The following RABGAP1L variants were observed in gnomAD, a reference collection of about 807,000 sequenced individuals.
The protein encoded by RABGAP1L is RAB GTPase activating protein 1 like, also known as rab GTPase-activating protein 1-like.
In RABGAP1L, 63 loss-of-function variants were observed where a neutral mutation model predicts 137.7. The observed-to-expected ratio is 0.46, with a 90% CI of 0.37 to 0.56. The LOEUF (loss-of-function observed/expected upper bound fraction) is 0.56, where lower values mean the gene tolerates loss of function less well. Among genes scored for constraint, RABGAP1L ranks in the 20% least tolerant of loss-of-function variants. RABGAP1L has a pLI of 0.00. For synonymous variants in RABGAP1L, 431 were observed against 433.7 expected (o/e 0.99, Z 0.08); for missense variants, 1,095 against 1,244.0 (o/e 0.88, Z 1.80).
At chr1:174,841,024 G>A (rs1437109041) in intron 19 of RABGAP1L, among the ~76,000 whole-genome samples, 2 of 151,970 alleles carry the variant, frequency 1.3e-5, no homozygotes, top group Non-Finnish European at 2.9e-5. Context: ...CATCCATAAA[G>A]CAGAAACTAC....
At chr1:174,520,419 A>G (rs1170081844) in intron 13 of RABGAP1L, among the ~76,000 whole-genome samples, 2 of 152,252 alleles carry the variant, frequency 1.3e-5, no homozygotes, top group Non-Finnish European at 2.9e-5. Flanking sequence ...GTGAATTTTA[A>G]TTATTAAGAT....
chr1:174,645,631 TG>T (rs1408958816), intron 14 of RABGAP1L, among the ~76,000 whole-genome samples: 1 of 152,188 alleles, frequency 6.6e-6, no homozygotes, highest in Non-Finnish European at 1.5e-5. Flanking sequence ...GATGGGCATT[TG>T]GGTTGGTCCA....
chr1:174,195,708 CTTTCTTTTCTTTCTTTTCTTTCT>C (rs1346778244), intron 1 of RABGAP1L, among the ~76,000 whole-genome samples: 6 of 103,924 alleles, frequency 5.8e-5, no homozygotes, highest in African/African-American at 3.0e-4. Context: ...TTCTTTCCTT[CTTTCTTTTCTTTCTTTTCTTTCT>C]TTTCTTTCTT....
intron 13 of RABGAP1L, among the ~76,000 whole-genome samples, chr1:174,600,652 C>T (rs951653626): frequency 6.6e-6 from 1 of 152,210 alleles, no homozygotes. Context: ...TTTGACTCCA[C>T]GTCTCTTATC....
At chr1:174,714,855 A>G (rs913365015) in intron 17 of RABGAP1L, among the ~76,000 whole-genome samples, 2 of 152,044 alleles carry the variant, frequency 1.3e-5, no homozygotes, top group African/African-American at 4.8e-5. Context: ...AAGTATTTCT[A>G]GTGTGTGTGT....
At chr1:174,255,171 T>TA (rs1673018738) in intron 7 of RABGAP1L, among the ~76,000 whole-genome samples, 1 of 152,180 alleles carries the variant, frequency 6.6e-6, no homozygotes, top group South Asian at 2.1e-4. Flanking sequence ...AGTTGTCACC[T>TA]TTTTTTCATG....
At chr1:174,162,927 C>T (rs999534397) in intron 1 of RABGAP1L, among the ~76,000 whole-genome samples, 2 of 115,976 alleles carry the variant, frequency 1.7e-5, no homozygotes, top group African/African-American at 7.1e-5. Flanking sequence ...ATATCACACT[C>T]TGGGGACTGT....
intron 19 of RABGAP1L, chr1:174,849,971 T>C: frequency 1.4e-6 from 1 of 726,036 alleles, no homozygotes; most frequent in Non-Finnish European, 2.4e-6. Flanking sequence ...CATACACATC[T>C]TTTAGAAATG....
chr1:174,278,021 A>G (rs945153538), intron 9 of RABGAP1L, among the ~76,000 whole-genome samples: 25 of 152,192 alleles, frequency 1.6e-4, no homozygotes, highest in African/African-American at 5.8e-4. Flanking sequence ...GAGAACTAAA[A>G]ATTGTAAAGA....
In RABGAP1L at chr1:174,172,689, T is replaced by C. The variant is rs114631619; in HGVS notation, c.-34+13032T>C. ...TTAGGTTCTTTGCCCATTTTTTAAT[T>C]GGGTTATTTCGTTTTGTTTTGTTTT... On this transcript the variant is annotated intron_variant, in intron 1 of 25. Transcript: ENST00000681986. Among the ~76,000 whole-genome samples, 139 of 152,292 alleles carry C rather than the reference T, an allele frequency of 9.1e-4. 1 individual carries two copies. Among genetic ancestry groups the C allele is most frequent in the Middle Eastern group, 3.4e-3 (1 of 294 alleles).
At chr1:174,507,756 T>TG (rs1661963122) in intron 13 of RABGAP1L, among the ~76,000 whole-genome samples, 1 of 152,146 alleles carries the variant, frequency 6.6e-6, no homozygotes, top group African/African-American at 2.4e-5. Flanking sequence ...TGAGGGTCAA[T>TG]GAACCCTAAA....
chr1:174,679,669 T>C (rs1265951149), intron 14 of RABGAP1L, among the ~76,000 whole-genome samples: 2 of 152,200 alleles, frequency 1.3e-5, no homozygotes, highest in African/African-American at 4.8e-5. Flanking sequence ...TGGTTATGCA[T>C]GTAGAAAATC....
At chr1:174,619,880 G>A (rs1249110079) in intron 13 of RABGAP1L, among the ~76,000 whole-genome samples, 1 of 152,156 alleles carries the variant, frequency 6.6e-6, no homozygotes, top group African/African-American at 2.4e-5. Flanking sequence ...TCAGTGTGCT[G>A]TATTCAGGAA....
intron 13 of RABGAP1L, among the ~76,000 whole-genome samples, chr1:174,621,503 G>T (rs1672466105): frequency 6.6e-6 from 1 of 152,184 alleles, no homozygotes. Flanking sequence ...TAGCAAAACA[G>T]AGATATAGAC....
At chr1:174,621,990 C>T (rs886510707) in intron 13 of RABGAP1L, among the ~76,000 whole-genome samples, 2 of 149,588 alleles carry the variant, frequency 1.3e-5, no homozygotes, top group Non-Finnish European at 2.9e-5. Flanking sequence ...CTACAATGAA[C>T]TCTAACAAAT....
chr1:174,502,115 T>C (rs1661331965), intron 13 of RABGAP1L, among the ~76,000 whole-genome samples: 1 of 151,870 alleles, frequency 6.6e-6, no homozygotes, highest in Non-Finnish European at 1.5e-5. Flanking sequence ...AATTTGGTGC[T>C]CTTTATAGTT....
intron 14 of RABGAP1L, among the ~76,000 whole-genome samples, chr1:174,640,258 G>GA (rs1386752773): frequency 6.6e-6 from 1 of 152,022 alleles, no homozygotes; most frequent in Non-Finnish European, 1.5e-5. Context: ...CTCATGCCAG[G>GA]AAACCTTAAG....
At chr1:174,424,607 A>C (rs1235095619) in intron 13 of RABGAP1L, among the ~76,000 whole-genome samples, 1 of 152,110 alleles carries the variant, frequency 6.6e-6, no homozygotes, top group Admixed American at 6.5e-5. Flanking sequence ...TGCTAGAAGA[A>C]GGTGCTGAGT....
At chr1:174,849,784 A>G (rs542328401) in intron 19 of RABGAP1L, 2 of 531,336 alleles carry the variant, frequency 3.8e-6, no homozygotes, top group East Asian at 5.3e-5. Flanking sequence ...GTTTCTGGAT[A>G]AAGTTTATGA....
Sources: allele counts gnomAD v4.1 joint callset (sites outside exome capture counted in the v4.1 genomes callset), GRCh38; gene constraint gnomAD v4.1.1; transcripts MANE v1.5; gene names NCBI Gene and HGNC (gene_info 2026-07-23, HGNC 2026-07-21).